The following PTTG1IP2 variants were observed in gnomAD, a reference collection of about 807,000 sequenced individuals.
PTTG1IP2 encodes PTTG1IP family member 2.
intron 6 of PTTG1IP2, among the ~76,000 whole-genome samples, chr7:90,505,752 AGG>A (rs1798116078): frequency 6.6e-6 from 1 of 152,044 alleles, no homozygotes; most frequent in Admixed American, 6.6e-5. Flanking sequence ...TGGGAGGCCG[AGG>A]CGGGTGGATC....
intron 6 of PTTG1IP2, among the ~76,000 whole-genome samples, chr7:90,509,771 G>T (rs1798164297): frequency 6.6e-6 from 1 of 152,176 alleles, no homozygotes; most frequent in African/African-American, 2.4e-5. Context: ...CACAGGGCAA[G>T]TGGGCTGGGA....
intron 6 of PTTG1IP2, among the ~76,000 whole-genome samples, chr7:90,510,969 G>C (rs892814948): frequency 2.6e-5 from 4 of 152,182 alleles, no homozygotes; most frequent in African/African-American, 9.6e-5. Flanking sequence ...TTGTTTTGCA[G>C]ACATCGGAGC....
chr7:90,499,264 G>C (rs1420491431), intron 6 of PTTG1IP2, among the ~76,000 whole-genome samples: 1 of 152,204 alleles, frequency 6.6e-6, no homozygotes, highest in Non-Finnish European at 1.5e-5. Flanking sequence ...AAGATAATGA[G>C]TCTAGAGTTT....
intron 6 of PTTG1IP2, among the ~76,000 whole-genome samples, chr7:90,508,814 T>C (rs1294632861): frequency 1.3e-5 from 2 of 152,182 alleles, no homozygotes; most frequent in Non-Finnish European, 2.9e-5. Context: ...GTAGAAGCCC[T>C]GTGCTGAAAC....
chr7:90,476,735 G>A (rs1402145148), intron 1 of PTTG1IP2, among the ~76,000 whole-genome samples: 1 of 152,022 alleles, frequency 6.6e-6, no homozygotes, highest in Non-Finnish European at 1.5e-5. Flanking sequence ...GATGACATAT[G>A]ACAAACCTTT....
At chr7:90,509,306 G>C (rs1798158883) in intron 6 of PTTG1IP2, among the ~76,000 whole-genome samples, 1 of 152,068 alleles carries the variant, frequency 6.6e-6, no homozygotes. Context: ...CCAAACAAGG[G>C]TGGTAGCACT....
intron 2 of PTTG1IP2, among the ~76,000 whole-genome samples, chr7:90,486,415 G>A (rs2116072704): frequency 6.7e-6 from 1 of 150,348 alleles, no homozygotes; most frequent in East Asian, 2.0e-4. Flanking sequence ...TATAGTACCT[G>A]TCACATGGTA....
chr7:90,480,471 G>A (rs908721857), intron 2 of PTTG1IP2, among the ~76,000 whole-genome samples: 5 of 151,940 alleles, frequency 3.3e-5, no homozygotes, highest in Admixed American at 6.6e-5. Flanking sequence ...TTTATACCCC[G>A]AAGAGCCATC....
At chr7:90,497,742 A>AAAAAG (rs1554407474) in intron 6 of PTTG1IP2, among the ~76,000 whole-genome samples, 2 of 135,614 alleles carry the variant, frequency 1.5e-5, no homozygotes, top group Non-Finnish European at 1.5e-5. Context: ...AAAAAAAAAA[A>AAAAAG]AAGAAGAAGA....
At chr7:90,478,811 A>G (rs1412016699) in intron 1 of PTTG1IP2, among the ~76,000 whole-genome samples, 2 of 151,458 alleles carry the variant, frequency 1.3e-5, no homozygotes, top group African/African-American at 2.4e-5. Flanking sequence ...TTTGTGGCAA[A>G]AAAAGATAGG....
chr7:90,484,428 A>G (rs528818392), intron 2 of PTTG1IP2, among the ~76,000 whole-genome samples: 2 of 152,150 alleles, frequency 1.3e-5, no homozygotes, highest in Admixed American at 6.5e-5. Context: ...TGAGTACTAT[A>G]ATTTTCCCAT....
intron 6 of PTTG1IP2, among the ~76,000 whole-genome samples, chr7:90,494,928 T>C (rs1797976090): frequency 6.6e-6 from 1 of 152,096 alleles, no homozygotes; most frequent in African/African-American, 2.4e-5. Flanking sequence ...GAGGATTGCT[T>C]GAGCTCAAGA....
At chr7:90,481,083 A>AT (rs1255847821) in intron 2 of PTTG1IP2, among the ~76,000 whole-genome samples, 2 of 152,112 alleles carry the variant, frequency 1.3e-5, no homozygotes, top group African/African-American at 4.8e-5. Context: ...GGTAGATAAG[A>AT]TTTTTTGTCT....
At chr7:90,511,864 T>C (rs1798194191) in intron 6 of PTTG1IP2, among the ~76,000 whole-genome samples, 1 of 152,216 alleles carries the variant, frequency 6.6e-6, no homozygotes, top group Non-Finnish European at 1.5e-5. Context: ...GTTGTTCACA[T>C]GGTTGTGGTG....
chr7:90,507,174 A>G (rs1798133982), intron 6 of PTTG1IP2, among the ~76,000 whole-genome samples: 1 of 152,242 alleles, frequency 6.6e-6, no homozygotes, highest in Non-Finnish European at 1.5e-5. Context: ...TGATCAAAAT[A>G]CAGTGTAGGG....
At chr7:90,488,517 G>A (rs563526090) in intron 3 of PTTG1IP2, among the ~76,000 whole-genome samples, 2 of 152,090 alleles carry the variant, frequency 1.3e-5, no homozygotes, top group Admixed American at 1.3e-4. Context: ...CTATCTAGAT[G>A]TATCTTTAGA....
At chr7:90,508,976 C>T (rs898961730) in intron 6 of PTTG1IP2, among the ~76,000 whole-genome samples, 4 of 152,290 alleles carry the variant, frequency 2.6e-5, no homozygotes, top group African/African-American at 7.2e-5. Flanking sequence ...AGAGGCTGAG[C>T]TTTCAATCAT....
At chr7:90,487,800 G>A (rs1157889983) in intron 3 of PTTG1IP2, among the ~76,000 whole-genome samples, 5 of 152,048 alleles carry the variant, frequency 3.3e-5, no homozygotes, top group African/African-American at 1.2e-4. Context: ...AATCTCTAGT[G>A]TATGATATCC....
intron 1 of PTTG1IP2, among the ~76,000 whole-genome samples, chr7:90,477,915 G>T (rs1797768121): frequency 6.6e-6 from 1 of 151,866 alleles, no homozygotes; most frequent in South Asian, 2.1e-4. Flanking sequence ...GGCTAACATG[G>T]TGAAACCCCA....
Sources: allele counts gnomAD v4.1 joint callset (sites outside exome capture counted in the v4.1 genomes callset), GRCh38; gene constraint gnomAD v4.1.1; transcripts MANE v1.5; gene names NCBI Gene and HGNC (gene_info 2026-07-23, HGNC 2026-07-21).